Variants in GINS1 observed in about 807,000 individuals in gnomAD.
GINS1 encodes the protein DNA replication complex GINS protein PSF1.
In GINS1, 26 loss-of-function variants were observed where a neutral mutation model predicts 34.9. That is an observed-to-expected ratio of 0.74 (90% confidence interval 0.55 to 1.03). The LOEUF is 1.03. Ranked by LOEUF, GINS1 falls within the 50% of genes least tolerant of loss-of-function variation. GINS1 has a pLI of 0.00. For synonymous variants in GINS1, 97 were observed against 84.4 expected, an observed-to-expected ratio of 1.15 and a Z score of -0.82; for missense variants, 235 against 237.9, an observed-to-expected ratio of 0.99 and a Z score of 0.08.
chr20:25,441,343 G>C (rs2090481147), intron 5 of GINS1, among the ~76,000 whole-genome samples: 1 of 152,162 alleles, frequency 6.6e-6, no homozygotes, highest in African/African-American at 2.4e-5. Context: ...TATTTTATGG[G>C]AGGGATCTAT....
At chr20:25,433,092 C>T (rs1188369039) in intron 5 of GINS1, among the ~76,000 whole-genome samples, 2 of 151,940 alleles carry the variant, frequency 1.3e-5, no homozygotes, top group Admixed American at 6.6e-5. Context: ...TTGTAGACAA[C>T]ATGTGATTGG....
chr20:25,408,439 A>G (rs2146180123), intron 1 of GINS1, among the ~76,000 whole-genome samples: 1 of 152,338 alleles, frequency 6.6e-6, no homozygotes, highest in South Asian at 2.1e-4. Context: ...AGTGTTAGCT[A>G]TTAATATTAC....
At chr20:25,409,132 A>C (rs968650450) in intron 1 of GINS1, 7 of 582,044 alleles carry the variant, frequency 1.2e-5, no homozygotes, top group Non-Finnish European at 1.3e-5. Context: ...CACACTGGAG[A>C]GGGTGACCAA....
At chr20:25,444,860 T>C (rs1029496521) in intron 6 of GINS1, among the ~76,000 whole-genome samples, 33 of 152,324 alleles carry the variant, frequency 2.2e-4, no homozygotes, top group Admixed American at 1.8e-3. Flanking sequence ...CGGTGGGTCA[T>C]GAATACTTTT....
intron 1 of GINS1, among the ~76,000 whole-genome samples, chr20:25,408,738 T>C (rs1253282016): frequency 6.6e-6 from 1 of 152,160 alleles, no homozygotes; most frequent in East Asian, 1.9e-4. Flanking sequence ...TTTTCTACTT[T>C]TTTCAGCTAT....
chr20:25,432,485 T>A (rs900649195), intron 5 of GINS1, among the ~76,000 whole-genome samples: 1 of 151,702 alleles, frequency 6.6e-6, no homozygotes, highest in Non-Finnish European at 1.5e-5. Context: ...TTCTTTTTTT[T>A]AGACAGAGTC....
chr20:25,423,542 C>G (rs2090371289), intron 4 of GINS1, among the ~76,000 whole-genome samples: 1 of 119,810 alleles, frequency 8.3e-6, no homozygotes, highest in South Asian at 3.0e-4. Context: ...AATCTTGGCT[C>G]ACTGCAAGCT....
At chr20:25,440,210 A>G (rs1298224587) in intron 5 of GINS1, among the ~76,000 whole-genome samples, 1 of 151,444 alleles carries the variant, frequency 6.6e-6, no homozygotes, top group Admixed American at 6.6e-5. Context: ...CATGTTGACC[A>G]GGCTGGTCTT....
At chr20:25,419,681 G>T (rs1380559266) in intron 4 of GINS1, 10 of 557,890 alleles carry the variant, frequency 1.8e-5, no homozygotes, top group Admixed American at 3.6e-5. Flanking sequence ...TGTATTTTTT[G>T]AGATGGAATC....
chr20:25,411,156 TC>T (rs2090282580), intron 1 of GINS1: 1 of 152,152 alleles, frequency 6.6e-6, no homozygotes, highest in Non-Finnish European at 1.5e-5. Flanking sequence ...ACACCTGTAG[TC>T]CCAGCAACTT....
At chr20:25,415,005 G>A (rs933951690) in intron 2 of GINS1, among the ~76,000 whole-genome samples, 1 of 152,186 alleles carries the variant, frequency 6.6e-6, no homozygotes, top group African/African-American at 2.4e-5. Flanking sequence ...ATGTTCCTGT[G>A]CGACACCAAA....
chr20:25,431,602 A>T (rs1600936856), intron 5 of GINS1, among the ~76,000 whole-genome samples: 7 of 130,320 alleles, frequency 5.4e-5, no homozygotes, highest in South Asian at 4.6e-4. Context: ...ACAGGATCTC[A>T]CTCTGTTACC....
At chr20:25,413,009 A>G (rs2090295940) in intron 1 of GINS1, among the ~76,000 whole-genome samples, 1 of 151,776 alleles carries the variant, frequency 6.6e-6, no homozygotes, top group Admixed American at 6.6e-5. Flanking sequence ...TGCTCAGTAT[A>G]ACGTATTTCA....
At position 25,431,437 on chromosome 20, in the gene GINS1, A is replaced by G. The variant is rs1047520572; in HGVS notation, c.447+6110A>G. 2.0e-5 allele frequency among the ~76,000 whole-genome samples: 3 copies of G among 151,986 alleles called. No homozygotes were observed. In the East Asian group the frequency reaches 5.8e-4, roughly 29 times the overall value. ...GCTCTAATCATTATTTCCTCCTTCT[A>G]GCTTTAGGTTTAGCTTGCTTTTCTT... On this transcript the variant is annotated intron_variant, in intron 5 of 6. Transcript: ENST00000262460.
Position 25,417,198 on chromosome 20 carries a change from T to C in GINS1, c.235T>C (p.Tyr79His). Reference protein sequence around the residue: ...LLRNRRCTVAYLYDRLLRIRA... With the variant: ...LLRNRRCTVAHLYDRLLRIRA... ...AAGAAATCGACGCTGCACTGTAGCA[T>C]ACCTGTAAGCTTCTCAGTTTTTGCT... is the stretch of plus-strand genomic sequence containing the variant. The change falls in exon 3 of 7, where the codon TAC becomes CAC. Residue 79 changes from tyrosine (Y) to histidine (H), a missense_variant. By Grantham distance (83) the Tyr-to-His change is moderately conservative. Coordinates refer to ENST00000262460, the MANE Select transcript of GINS1 (RefSeq NM_021067.5). The C allele has an allele frequency of 6.6e-7, 1 of 1,514,304 alleles. No individual in the cohort carries two copies. The highest frequency in any genetic ancestry group is 1.1e-5 in the South Asian group (1 of 87,820). The allele number at this position is 1,514,304 out of a possible 1,614,324, so 93.8% of individuals were successfully genotyped here.
At chr20:25,422,169 T>C (rs1600927318) in intron 4 of GINS1, among the ~76,000 whole-genome samples, 1 of 152,200 alleles carries the variant, frequency 6.6e-6, no homozygotes, top group South Asian at 2.1e-4. Flanking sequence ...AATTCCCATG[T>C]ATCCATCACC....
In GINS1 at chr20:25,446,602, T is replaced by G. The variant is rs1254168568; in HGVS notation, c.*611T>G. ...CTGTAGAAATTTTCAGTATATATAA[T>G]GTTTAATGACATACTAATTTATCAT... is the stretch of plus-strand genomic sequence containing the variant. On this transcript the variant is annotated 3_prime_UTR_variant, in exon 7 of 7. Transcript: ENST00000262460. The G allele has an allele frequency of 6.6e-6, 1 of 152,254 alleles. No individual in the cohort carries two copies. The highest frequency in any genetic ancestry group is 1.9e-4 in the East Asian group (1 of 5,202). The allele number at this position is 152,254 out of a possible 1,614,324, so 9.4% of individuals were successfully genotyped here.
At chr20:25,415,190 C>A (rs925873419) in intron 2 of GINS1, among the ~76,000 whole-genome samples, 8 of 152,186 alleles carry the variant, frequency 5.3e-5, no homozygotes, top group African/African-American at 1.9e-4. Context: ...GCATTTCCAA[C>A]TCCTGTGTAT....
At chr20:25,414,189 C>CAAAAAAAAAAAAAAAAAAAAA (rs58400500) in intron 2 of GINS1, among the ~76,000 whole-genome samples, 1 of 67,664 alleles carries the variant, frequency 1.5e-5, no homozygotes, top group Non-Finnish European at 2.8e-5. Context: ...ACTCTGTCTC[C>CAAAAAAAAAAAAAAAAAAAAA]AAAAAAAAAA....
Sources: gnomAD v4.1 joint callset for allele counts (sites outside exome capture counted in the v4.1 genomes callset) on GRCh38, gnomAD v4.1.1 for gene constraint, MANE v1.5 for transcripts, NCBI Gene and HGNC (gene_info 2026-07-23, HGNC 2026-07-21) for gene names.